Variants in PCDHGA12 observed in about 807,000 individuals in gnomAD.
The protein encoded by PCDHGA12 is protocadherin gamma-A12.
PCDHGA12 carries 43 observed loss-of-function variants against 61.1 expected under a neutral mutation model. That is an observed-to-expected ratio of 0.70 (90% CI 0.55 to 0.91). The LOEUF (loss-of-function observed/expected upper bound fraction) is 0.91. Among genes scored for constraint, PCDHGA12 ranks in the 40% least tolerant of loss-of-function variants. The pLI is 0.00. For missense variants in PCDHGA12, 1,236 were observed against 1,227.7 expected, an observed-to-expected ratio of 1.01 and a Z score of -0.10; for synonymous variants, 520 against 542.9, an observed-to-expected ratio of 0.96 and a Z score of 0.59.
At chr5:141,510,589 A>G (rs1043188276) in intron 3 of PCDHGA12, among the ~76,000 whole-genome samples, 2 of 152,194 alleles carry the variant, frequency 1.3e-5, no homozygotes, top group African/African-American at 2.4e-5. Context: ...CGTACCTGAC[A>G]TACATTTTCT....
chr5:141,454,865 TG>T (rs2098805228), intron 1 of PCDHGA12, among the ~76,000 whole-genome samples: 1 of 135,344 alleles, frequency 7.4e-6, no homozygotes, highest in Non-Finnish European at 1.5e-5. Flanking sequence ...TGGAGTGCAG[TG>T]GCACGATCTT....
chr5:141,458,394 T>A (rs2098944697), intron 1 of PCDHGA12, among the ~76,000 whole-genome samples: 1 of 152,062 alleles, frequency 6.6e-6, no homozygotes, highest in African/African-American at 2.4e-5. Context: ...ACGCTCCCCC[T>A]TGCAGAGACG....
At chr5:141,470,016 C>G (rs116065751) in intron 1 of PCDHGA12, among the ~76,000 whole-genome samples, 1 of 152,146 alleles carries the variant, frequency 6.6e-6, no homozygotes, top group Non-Finnish European at 1.5e-5. Context: ...GTAATCCCAG[C>G]TACTCGGGAT....
intron 2 of PCDHGA12, among the ~76,000 whole-genome samples, chr5:141,502,865 T>C (rs538731947): frequency 3.0e-5 from 4 of 131,428 alleles, no homozygotes; most frequent in Non-Finnish European, 6.3e-5. Context: ...TGACTCTCTG[T>C]CTTTTTTTTT....
At position 141,487,937 on chromosome 5, in the gene PCDHGA12, T is replaced by G; in HGVS notation, c.2425-6870T>G. 2 of 603,606 alleles carry G rather than the reference T, an allele frequency of 3.3e-6. No homozygotes were observed. The highest frequency in any genetic ancestry group is 2.9e-6 in the Non-Finnish European group (1 of 345,124). 37.4% of individuals were successfully genotyped at this position (603,606 alleles called of 1,614,324 possible). ...GGAGGCTACAGTGCACAGGGTACAG[T>G]GCACCAGGCAGTCACTTGGACAAAG... On this transcript the variant is annotated intron_variant, in intron 1 of 3. Transcript: ENST00000252085. The surrounding 1 kb of genome is among the most constrained non-coding windows in gnomAD (Gnocchi z 5.0).
At chr5:141,464,931 G>T (rs2099093694) in intron 1 of PCDHGA12, among the ~76,000 whole-genome samples, 1 of 151,942 alleles carries the variant, frequency 6.6e-6, no homozygotes, top group Non-Finnish European at 1.5e-5. Context: ...GTAGAGATGT[G>T]AGGTCTCACT....
intron 1 of PCDHGA12, among the ~76,000 whole-genome samples, chr5:141,492,922 T>C (rs1191111432): frequency 1.3e-5 from 2 of 152,194 alleles, no homozygotes; most frequent in Non-Finnish European, 2.9e-5. Context: ...TGCCCAGCGA[T>C]CTAGGGTCAG....
rs759146011 is a variant in PCDHGA12, at chr5:141,477,635, G to A, written c.2425-17172G>A. 6.2e-7 allele frequency: 1 copy of A among 1,614,138 alleles called. No homozygotes were observed. The highest frequency in any genetic ancestry group is 8.5e-7 in the Non-Finnish European group (1 of 1,180,040). On this transcript the variant is annotated intron_variant, in intron 1 of 3. Coordinates refer to ENST00000252085, the MANE Select transcript of PCDHGA12 (RefSeq NM_003735.3). This position sits in a 1 kb window ranked among gnomAD's most constrained non-coding sequence, Gnocchi z 4.9. ...GCAAGGAGCTGAAACCGGGCTAGTG[G>A]GTCGCTATTTCACAATAAATCGTGA...
chr5:141,478,040 C>G (rs773058963), intron 1 of PCDHGA12: 1 of 1,614,160 alleles, frequency 6.2e-7, no homozygotes, highest in Non-Finnish European at 8.5e-7. Context: ...TTCACCCAGG[C>G]AGACTCTCAC....
In PCDHGA12 at chr5:141,486,649, C is replaced by G; in HGVS notation, c.2425-8158C>G. On this transcript the variant is annotated intron_variant, in intron 1 of 3. Transcript: ENST00000252085. This position sits in a 1 kb window ranked among gnomAD's most constrained non-coding sequence, Gnocchi z 5.0. The stretch of plus-strand genomic sequence containing the variant: ...CTGGCTTGAATGCGCTTATCTCCTA[C>G]TCACTCCTGGAGCCCAGGAATCGAG... The G allele has an allele frequency of 6.2e-7, 1 of 1,613,952 alleles. No individual in the cohort carries two copies. The highest frequency in any genetic ancestry group is 8.5e-7 in the Non-Finnish European group (1 of 1,180,034).
In PCDHGA12 at chr5:141,487,917, CTACAGTGCACAGGG is replaced by C; in HGVS notation, c.2425-6879_2425-6866del. On this transcript the variant is annotated intron_variant, in intron 1 of 3. Coordinates refer to ENST00000252085, the MANE Select transcript of PCDHGA12 (RefSeq NM_003735.3). The surrounding 1 kb of genome is among the most constrained non-coding windows in gnomAD (Gnocchi z 5.0). ...TGATGGAATGTGGGAGCACAGGAGG[CTACAGTGCACAGGG>C]TACAGTGCACCAGGCAGTCACTTGG... 1 of 647,994 alleles carries C rather than the reference CTACAGTGCACAGGG, an allele frequency of 1.5e-6. No homozygotes were observed. The highest frequency in any genetic ancestry group is 2.7e-6 in the Non-Finnish European group (1 of 377,182). 40.1% of individuals were successfully genotyped at this position (647,994 alleles called of 1,614,324 possible).
chr5:141,438,591 C>CATAT (rs946798767), intron 1 of PCDHGA12, among the ~76,000 whole-genome samples: 211 of 75,392 alleles, frequency 2.8e-3, no homozygotes, highest in Non-Finnish European at 4.1e-3. Context: ...TACATACATA[C>CATAT]ATATATATAT....
chr5:141,452,748 A>G (rs2098748275), intron 1 of PCDHGA12, among the ~76,000 whole-genome samples: 1 of 152,058 alleles, frequency 6.6e-6, no homozygotes, highest in Admixed American at 6.6e-5. Flanking sequence ...GAGAGAAGGA[A>G]GAAGGAAGGG....
chr5:141,438,513 A>G (rs2097964808), intron 1 of PCDHGA12, among the ~76,000 whole-genome samples: 1 of 148,768 alleles, frequency 6.7e-6, no homozygotes, highest in Non-Finnish European at 1.5e-5. Context: ...TGCAAAACCA[A>G]TTATTTTACA....
In PCDHGA12 at chr5:141,477,211, C is replaced by T. The variant is rs1282763530; in HGVS notation, c.2425-17596C>T. On this transcript the variant is annotated intron_variant, in intron 1 of 3. Coordinates refer to ENST00000252085, the MANE Select transcript of PCDHGA12 (RefSeq NM_003735.3). The surrounding 1 kb of genome is among the most constrained non-coding windows in gnomAD (Gnocchi z 4.9). ...TGTACAGCCCAGTACCCGAGGATGC[C>T]CCTCTGGGGACTGTCATCGCTTTGC... 2 of 1,614,154 alleles carry T rather than the reference C, an allele frequency of 1.2e-6. No individual in the cohort carries two copies. Among genetic ancestry groups the T allele is most frequent in the East Asian group, 4.5e-5 (2 of 44,870 alleles).
At position 141,493,223 on chromosome 5, in the gene PCDHGA12, A is replaced by G. The variant is rs2099747083; in HGVS notation, c.2425-1584A>G. Among the ~76,000 whole-genome samples, 1 of 152,142 alleles carries G rather than the reference A, an allele frequency of 6.6e-6. No homozygotes were observed. The highest frequency in any genetic ancestry group is 6.6e-5 in the Admixed American group (1 of 15,262). On this transcript the variant is annotated intron_variant, in intron 1 of 3. Transcript: ENST00000252085. The surrounding 1 kb of genome is among the most constrained non-coding windows in gnomAD (Gnocchi z 4.3). ...CCTCATCTCATTTGCTCTTCCCACC[A>G]TTGCTGTTGGCTAGGTACTAACATG...
chr5:141,475,547 G>A (rs2099364977), intron 1 of PCDHGA12, among the ~76,000 whole-genome samples: 1 of 152,176 alleles, frequency 6.6e-6, no homozygotes, highest in Non-Finnish European at 1.5e-5. Context: ...AGTAGGGTCC[G>A]GCTAATTGTC....
rs749044339 is a variant in PCDHGA12, at chr5:141,477,410, G to A, written c.2425-17397G>A. On this transcript the variant is annotated intron_variant, in intron 1 of 3. Coordinates refer to ENST00000252085, the MANE Select transcript of PCDHGA12 (RefSeq NM_003735.3). This position sits in a 1 kb window ranked among gnomAD's most constrained non-coding sequence, Gnocchi z 4.9. ...CAACCTCAGCATCACCGCCCGAGAC[G>A]CCGGAACCCCTTCCCTCTCAGCCCT... 66 of 1,613,988 alleles carry A rather than the reference G, an allele frequency of 4.1e-5. 1 individual carries two copies. The South Asian group carries it at 7.0e-4, about 17-fold the overall frequency.
chr5:141,438,319 T>C (rs934592523), intron 1 of PCDHGA12, among the ~76,000 whole-genome samples: 1 of 151,982 alleles, frequency 6.6e-6, no homozygotes, highest in African/African-American at 2.4e-5. Flanking sequence ...CACCATAATT[T>C]TTCTTATACA....
Sources: allele counts gnomAD v4.1 joint callset (sites outside exome capture counted in the v4.1 genomes callset), GRCh38; gene constraint gnomAD v4.1.1; non-coding constraint Gnocchi (gnomAD v3.1); transcripts MANE v1.5; gene names NCBI Gene and HGNC (gene_info 2026-07-23, HGNC 2026-07-21).